The following TMCO5A variants were observed in gnomAD, a reference collection of about 807,000 sequenced individuals.
TMCO5A encodes transmembrane and coiled-coil domain-containing protein 5A.
TMCO5A carries 34 observed loss-of-function variants against 42.3 expected under a neutral mutation model. The observed-to-expected ratio is 0.80, with a 90% CI of 0.61 to 1.07. TMCO5A has a LOEUF of 1.07. TMCO5A is among the 50% of genes least tolerant of loss of function. The pLI is 0.00. For missense variants in TMCO5A, 357 were observed against 327.9 expected, an observed-to-expected ratio of 1.09 and a Z score of -0.69; for synonymous variants, 131 against 115.6, an observed-to-expected ratio of 1.13 and a Z score of -0.86.
At chr15:37,960,495 A>G (rs1359148034) in intron 11 of TMCO5A, among the ~76,000 whole-genome samples, 1 of 152,024 alleles carries the variant, frequency 6.6e-6, no homozygotes, top group Non-Finnish European at 1.5e-5. Context: ...TATAAACATG[A>G]GTGTGCAAAT....
chr15:38,037,520 G>A, the TMCO5A span, among the ~76,000 whole-genome samples: 1 of 152,208 alleles, frequency 6.6e-6, no homozygotes, highest in Non-Finnish European at 1.5e-5. Context: ...ACAATAGGAA[G>A]AGCAACCAAG....
At chr15:38,022,031 C>T in the TMCO5A span, among the ~76,000 whole-genome samples, 1 of 151,994 alleles carries the variant, frequency 6.6e-6, no homozygotes, top group Non-Finnish European at 1.5e-5. Context: ...AGGATGGTCT[C>T]GATCTCCTGA....
At chr15:37,935,651 A>G (rs1889484681) in intron 2 of TMCO5A, among the ~76,000 whole-genome samples, 1 of 152,132 alleles carries the variant, frequency 6.6e-6, no homozygotes, top group Admixed American at 6.6e-5. Context: ...CCTCCCATGT[A>G]CCCTTCCCAA....
chr15:37,964,922 T>G (rs1376979245), intron 11 of TMCO5A, among the ~76,000 whole-genome samples: 1 of 152,102 alleles, frequency 6.6e-6, no homozygotes, highest in East Asian at 1.9e-4. Context: ...ATTCTAAAAT[T>G]TATAGGGAGC....
At chr15:37,957,901 T>C (rs374857173) in intron 11 of TMCO5A, among the ~76,000 whole-genome samples, 4 of 151,706 alleles carry the variant, frequency 2.6e-5, no homozygotes, top group Admixed American at 6.6e-5. Flanking sequence ...ATATATAGAC[T>C]AATGGAACAG....
At chr15:38,018,626 C>T in the TMCO5A span, among the ~76,000 whole-genome samples, 1 of 151,524 alleles carries the variant, frequency 6.6e-6, no homozygotes, top group Non-Finnish European at 1.5e-5. Context: ...AAAAATTCCA[C>T]ATATAGTAAC....
rs758306215 is a variant in TMCO5A, at chr15:37,941,216, G to A, written c.444+11G>A. On this transcript the variant is annotated intron_variant, in intron 7 of 11. Coordinates refer to ENST00000319669, the MANE Select transcript of TMCO5A (RefSeq NM_152453.4). ...AAGGAGCTGCTCAAGGTAACAGCAG[G>A]AACTTCAATGTGACTTCTCCCCAAA... The A allele has an allele frequency of 2.5e-6, 4 of 1,612,400 alleles. No homozygotes were observed. The highest frequency in any genetic ancestry group is 3.4e-6 in the Non-Finnish European group (4 of 1,179,014).
chr15:37,966,662 C>T, exon 12 of TMCO5A: 1 of 702,922 alleles, frequency 1.4e-6, no homozygotes. Context: ...TGGCTGCCAA[C>T]AATCCAGATC....
downstream of TMCO5A, chr15:37,967,788 C>T (rs371850915): frequency 6.6e-6 from 1 of 152,144 alleles, no homozygotes; most frequent in African/African-American, 2.4e-5. Flanking sequence ...TTGTCAGGAG[C>T]CTTTATAGCT....
chr15:37,981,479 G>C, the TMCO5A span, among the ~76,000 whole-genome samples: 4 of 152,226 alleles, frequency 2.6e-5, no homozygotes, highest in African/African-American at 9.6e-5. Context: ...CTCAGAAACA[G>C]AGGTCTTAAA....
chr15:37,964,486 C>G (rs1245390893), intron 11 of TMCO5A, among the ~76,000 whole-genome samples: 1 of 151,816 alleles, frequency 6.6e-6, no homozygotes, highest in Non-Finnish European at 1.5e-5. Flanking sequence ...TGAAGTTGAT[C>G]TGGAGCTAAA....
At chr15:37,999,860 C>A in the TMCO5A span, among the ~76,000 whole-genome samples, 1 of 152,248 alleles carries the variant, frequency 6.6e-6, no homozygotes, top group African/African-American at 2.4e-5. Context: ...ATCTTTGCAT[C>A]CCTGGAATAA....
At chr15:37,989,079 C>T in the TMCO5A span, among the ~76,000 whole-genome samples, 1 of 151,808 alleles carries the variant, frequency 6.6e-6, no homozygotes, top group Admixed American at 6.6e-5. Context: ...TTTTGTGTTT[C>T]TAGGAATTTA....
the TMCO5A span, among the ~76,000 whole-genome samples, chr15:38,013,634 C>T: frequency 6.6e-6 from 1 of 152,126 alleles, no homozygotes; most frequent in African/African-American, 2.4e-5. Context: ...TTTCTTAATC[C>T]AGTCTATGGA....
At chr15:37,982,038 A>G in the TMCO5A span, among the ~76,000 whole-genome samples, 7 of 152,252 alleles carry the variant, frequency 4.6e-5, no homozygotes, top group Non-Finnish European at 7.3e-5. Flanking sequence ...CTAGTCATTC[A>G]TGTAAGTAAA....
Position 37,942,443 on chromosome 15 carries a change from C to T in TMCO5A, c.569+188C>T, listed in dbSNP as rs1889781503. 7 of 562,410 alleles carry T rather than the reference C, an allele frequency of 1.2e-5. No individual in the cohort carries two copies. In the Admixed American group the frequency reaches 1.3e-4, roughly 11 times the overall value. The allele number at this position is 562,410 out of a possible 1,614,324, so 34.8% of individuals were successfully genotyped here. On this transcript the variant is annotated intron_variant, in intron 9 of 11. Transcript: ENST00000319669. ...CCAACTTAAAACTTCCAGTCATTCT[C>T]CCATCCTTCTAAAAAGACCACAGAA...
the TMCO5A span, among the ~76,000 whole-genome samples, chr15:38,017,466 G>C: frequency 1.3e-5 from 2 of 152,258 alleles, no homozygotes; most frequent in East Asian, 3.9e-4. Context: ...CTGCCTGCCG[G>C]AGAGGAGCCA....
chr15:37,954,419 G>T (rs1173191533), downstream of TMCO5A, among the ~76,000 whole-genome samples: 1 of 152,080 alleles, frequency 6.6e-6, no homozygotes, highest in Non-Finnish European at 1.5e-5. Context: ...AATGCTAGAT[G>T]AAATAAACAT....
the TMCO5A span, among the ~76,000 whole-genome samples, chr15:38,028,508 T>G: frequency 2.6e-5 from 4 of 152,204 alleles, no homozygotes; most frequent in Admixed American, 6.5e-5. Context: ...GATGTTCCAT[T>G]CAATCATTCT....
Sources: allele counts gnomAD v4.1 joint callset (sites outside exome capture counted in the v4.1 genomes callset), GRCh38; gene constraint gnomAD v4.1.1; transcripts MANE v1.5; gene names NCBI Gene and HGNC (gene_info 2026-07-23, HGNC 2026-07-21).